The following COBL variants were observed in gnomAD, a reference collection of about 807,000 sequenced individuals.
The protein encoded by COBL is protein cordon-bleu.
A neutral mutation model predicts 98.8 loss-of-function variants in COBL; 51 were observed. The observed-to-expected ratio is 0.52, with a 90% CI of 0.41 to 0.65. The LOEUF is 0.65. Ranked by LOEUF, COBL falls within the 30% of genes least tolerant of loss-of-function variation. The pLI, the probability that COBL is intolerant of heterozygous loss-of-function variation, is 0.00. For missense variants in COBL, 1,617 were observed against 1,617.5 expected, an observed-to-expected ratio of 1.00 and a Z score of 0.01; for synonymous variants, 634 against 651.7, an observed-to-expected ratio of 0.97 and a Z score of 0.41.
Position 51,028,167 on chromosome 7 carries a change from A to G in COBL, c.2929T>C (p.Ser977Pro), listed in dbSNP as rs1244136049. Reference protein sequence around the residue: ...PAAIHRSSCFSLVQSSQRDRV... With the variant: ...PAAIHRSSCFPLVQSSQRDRV... Reference sequence around the variant, plus strand: ...TCCCTCTGGGAAGACTGAACCAGTGAGAAACAGGAGCTTCTGTGGATAGCA... The same window carrying G: ...TCCCTCTGGGAAGACTGAACCAGTGGGAAACAGGAGCTTCTGTGGATAGCA... Residue 977 changes from serine to proline, a missense_variant, in exon 10 of 13, where the codon TCA (serine) becomes CCA (proline). Physicochemically the swap from Ser to Pro is moderately conservative, Grantham distance 74 (BLOSUM62 -1). This residue lies in a region of COBL where 1,304 missense variants were observed against 1,282.0 expected (regional missense o/e 1.02). Coordinates refer to ENST00000265136, the MANE Select transcript of COBL (RefSeq NM_015198.5). 1 of 1,614,264 alleles carries G rather than the reference A, an allele frequency of 6.2e-7. No individual in the cohort carries two copies. Among genetic ancestry groups the G allele is most frequent in the South Asian group, 1.1e-5 (1 of 91,090 alleles).
At chr7:51,081,416 C>G (rs1029354757) in intron 7 of COBL, among the ~76,000 whole-genome samples, 3 of 152,196 alleles carry the variant, frequency 2.0e-5, no homozygotes, top group Non-Finnish European at 4.4e-5. Context: ...GTTTTCTCTC[C>G]GCCACTTCGC....
chr7:51,085,387 C>T (rs945510296), intron 6 of COBL, 83 bp from the exon 7 acceptor site: 20 of 1,393,892 alleles, frequency 1.4e-5, no homozygotes, highest in Non-Finnish European at 1.8e-5. Context: ...GGTGATTGTG[C>T]TGGGGCAGGG....
At chr7:51,190,381 A>G (rs551646064) in intron 4 of COBL, among the ~76,000 whole-genome samples, 1 of 151,998 alleles carries the variant, frequency 6.6e-6, no homozygotes, top group African/African-American at 2.4e-5. Context: ...CGTCTGGCTA[A>G]TTTTAAAATT....
intron 1 of COBL, among the ~76,000 whole-genome samples, chr7:51,237,182 C>T (rs558515149): frequency 6.6e-6 from 1 of 152,316 alleles, no homozygotes; most frequent in South Asian, 2.1e-4. Flanking sequence ...AGATCTGCCA[C>T]CCTGTCCCTC....
chr7:51,043,824 C>G (rs1789436401), intron 7 of COBL, 132 bp from the exon 8 acceptor site: 3 of 695,706 alleles, frequency 4.3e-6, no homozygotes, highest in Non-Finnish European at 7.1e-6. Context: ...AAGGAAGAAC[C>G]TCATTCAAAT....
chr7:51,270,080 C>G (rs1274367361), intron 1 of COBL, among the ~76,000 whole-genome samples: 1 of 152,220 alleles, frequency 6.6e-6, no homozygotes, highest in Non-Finnish European at 1.5e-5. Context: ...GACTCAGGTT[C>G]TAAAGCACCT....
intron 1 of COBL, among the ~76,000 whole-genome samples, chr7:51,254,947 T>G (rs1344219272): frequency 6.6e-6 from 1 of 152,180 alleles, no homozygotes; most frequent in African/African-American, 2.4e-5. Flanking sequence ...ACTTAAAAAG[T>G]TACATCTTAT....
chr7:51,282,901 C>A (rs142731264), intron 1 of COBL, among the ~76,000 whole-genome samples: 8 of 151,754 alleles, frequency 5.3e-5, no homozygotes, highest in African/African-American at 1.9e-4. Flanking sequence ...ACAAAGATAA[C>A]CATAAAATCT....
intron 5 of COBL, among the ~76,000 whole-genome samples, chr7:51,172,082 G>A (rs1360883933): frequency 6.6e-6 from 1 of 152,216 alleles, no homozygotes; most frequent in Non-Finnish European, 1.5e-5. Flanking sequence ...CAAAGGCTCC[G>A]TGAACAGAGC....
chr7:51,046,061 G>A (rs1789656741), intron 7 of COBL, among the ~76,000 whole-genome samples: 1 of 119,392 alleles, frequency 8.4e-6, no homozygotes, highest in Admixed American at 8.0e-5. Context: ...GAAGCAGGTG[G>A]GGGTGGGGGG....
chr7:51,026,524 T>C (rs200220790), intron 11 of COBL, 22 bp downstream of exon 11: 4 of 1,610,224 alleles, frequency 2.5e-6, no homozygotes, highest in African/African-American at 1.3e-5. Flanking sequence ...CCTGGCGCCA[T>C]GGAAGGCCCT....
At chr7:51,036,336 CAAA>C (rs59610375) in intron 8 of COBL, among the ~76,000 whole-genome samples, 281 of 94,034 alleles carry the variant, frequency 3.0e-3, no homozygotes, top group African/African-American at 9.0e-3. Flanking sequence ...GACTCCGTCT[CAAA>C]AAAAAAAAAA....
chr7:51,314,952 C>T (rs1456620985), intron 1 of COBL, among the ~76,000 whole-genome samples: 1 of 152,202 alleles, frequency 6.6e-6, no homozygotes, highest in African/African-American at 2.4e-5. Flanking sequence ...TAAGTCCTTT[C>T]ACTTCTATCA....
At chr7:51,208,376 GGGAGGGAGGTGGGGGGGGT>G (rs1792014661) in intron 2 of COBL, among the ~76,000 whole-genome samples, 1 of 134,192 alleles carries the variant, frequency 7.5e-6, no homozygotes, top group Admixed American at 7.4e-5. Flanking sequence ...CGCCCCGTCT[GGGAGGGAGGTGGGGGGGGT>G]CAGCCCCCCG....
chr7:51,284,972 G>C (rs971875595), intron 1 of COBL, among the ~76,000 whole-genome samples: 3 of 146,600 alleles, frequency 2.0e-5, no homozygotes, highest in South Asian at 2.1e-4. Context: ...TTTTGAGACA[G>C]AGTCTTGGTC....
intron 6 of COBL, among the ~76,000 whole-genome samples, chr7:51,108,272 A>G (rs1011673268): frequency 2.6e-5 from 4 of 152,044 alleles, no homozygotes; most frequent in Non-Finnish European, 5.9e-5. Flanking sequence ...GGGGCTTTGT[A>G]TCATGATATC....
At chr7:51,221,905 G>A (rs1388390685) in intron 1 of COBL, among the ~76,000 whole-genome samples, 1 of 152,174 alleles carries the variant, frequency 6.6e-6, no homozygotes, top group Non-Finnish European at 1.5e-5. Context: ...TAACATTCAG[G>A]GGCCAGGTGT....
In COBL at chr7:51,023,414, A is replaced by T. The variant is rs559462229; in HGVS notation, c.3768+1695T>A. Reference sequence around the variant, plus strand: ...CATCCATGGGTGGGCTGTGCATTCAATGATGACTGGCTAGCATCTTTGCTG... The same window carrying T: ...CATCCATGGGTGGGCTGTGCATTCATTGATGACTGGCTAGCATCTTTGCTG... On this transcript the variant is annotated intron_variant, in intron 12 of 12. Coordinates refer to ENST00000265136, the MANE Select transcript of COBL (RefSeq NM_015198.5). Among the ~76,000 whole-genome samples, 14 of 152,312 alleles carry T rather than the reference A, an allele frequency of 9.2e-5. No homozygotes were observed. In the South Asian group the frequency reaches 2.9e-3, roughly 32 times the overall value.
chr7:51,144,114 A>G (rs185099798), intron 5 of COBL, among the ~76,000 whole-genome samples: 39 of 152,312 alleles, frequency 2.6e-4, no homozygotes, highest in African/African-American at 9.1e-4. Context: ...TGGTCTCTCC[A>G]CCTGGGCGGC....
Sources: allele counts gnomAD v4.1 joint callset (sites outside exome capture counted in the v4.1 genomes callset), GRCh38; gene constraint gnomAD v4.1.1; regional missense constraint gnomAD v4.1.1; transcripts MANE v1.5; gene names NCBI Gene and HGNC (gene_info 2026-07-23, HGNC 2026-07-21).